Variants in KIF1A observed in about 807,000 individuals in gnomAD.
The protein encoded by KIF1A is kinesin family member 1A.
Under a neutral mutation model 227.3 loss-of-function variants are expected in KIF1A, and 46 were observed. That is an observed-to-expected ratio of 0.20 (90% CI 0.16 to 0.26). The LOEUF is 0.26. Among genes scored for constraint, KIF1A ranks in the 10% least tolerant of loss-of-function variants. The pLI, the probability that KIF1A is intolerant of heterozygous loss-of-function variation, is 1.00. For synonymous variants in KIF1A, 1,022 were observed against 1,012.8 expected (o/e 1.01, Z -0.17); for missense variants, 1,683 against 2,485.9 (o/e 0.68, Z 6.87).
chr2:240,717,242 T>TG lies in KIF1A; in HGVS notation c.*121dup, dbSNP rs1281123911. ...CCCCGGGCCTGGCATGGGCGTCCCC[T>TG]GGGGGGTCGACCCGGTCGTGGGCTG... On this transcript the variant is annotated 3_prime_UTR_variant, in exon 49 of 49. Transcript: ENST00000498729. The TG allele has an allele frequency of 4.2e-6, 4 of 944,232 alleles. No homozygotes were observed. The highest frequency in any genetic ancestry group is 2.5e-5 in the East Asian group (1 of 40,448). 58.5% of individuals were successfully genotyped at this position (944,232 alleles called of 1,614,324 possible).
chr2:240,761,578 C>T (rs1416881257), intron 23 of KIF1A, among the ~76,000 whole-genome samples: 1 of 152,202 alleles, frequency 6.6e-6, no homozygotes, highest in Non-Finnish European at 1.5e-5. Flanking sequence ...GTCACTGAGG[C>T]CAGAGGTGGA....
Position 240,726,801 on chromosome 2 carries a change from G to T in KIF1A, c.4122+25C>A. 1.4e-6 allele frequency: 2 copies of T among 1,434,966 alleles called. No individual in the cohort carries two copies. Among genetic ancestry groups the T allele is most frequent in the Non-Finnish European group, 1.9e-6 (2 of 1,026,258 alleles). The allele number at this position is 1,434,966 out of a possible 1,614,324, so 88.9% of individuals were successfully genotyped here. A position where few individuals can be genotyped will look rare whatever the true frequency, so the allele number is the denominator to read the frequency against. ...CTTCAGGGGCTGAGTGGTTTTGGTG[G>T]AGTGCCCTGGCATAGGTGCCTTGCC... On this transcript the variant is annotated intron_variant, in intron 39 of 48. Coordinates refer to ENST00000498729, the MANE Select transcript of KIF1A (RefSeq NM_001244008.2). This position sits in a 1 kb window ranked among gnomAD's most constrained non-coding sequence, Gnocchi z 5.2.
At chr2:240,807,258 G>A (rs529725212) in intron 1 of KIF1A, among the ~76,000 whole-genome samples, 3 of 151,978 alleles carry the variant, frequency 2.0e-5, no homozygotes, top group African/African-American at 7.2e-5. Flanking sequence ...CGATTCTCCT[G>A]CCTCAGCCTC....
intron 10 of KIF1A, among the ~76,000 whole-genome samples, chr2:240,777,063 G>C (rs2052836954): frequency 6.6e-6 from 1 of 151,684 alleles, no homozygotes; most frequent in Non-Finnish European, 1.5e-5. Context: ...TTTGTTTTTT[G>C]AGACAGAGTC....
intron 11 of KIF1A, 34 bp from the exon 12 acceptor site, chr2:240,774,295 G>A (rs756434073): frequency 4.1e-6 from 6 of 1,449,168 alleles, no homozygotes; most frequent in Middle Eastern, 1.7e-4. Flanking sequence ...GCCCAGAGGG[G>A]GATCTAGGCC....
Position 240,762,702 on chromosome 2 carries a change from G to A in KIF1A, c.2116+17C>T. On this transcript the variant is annotated intron_variant, in intron 23 of 48. Coordinates refer to ENST00000498729, the MANE Select transcript of KIF1A (RefSeq NM_001244008.2). ...GACCCTCCTGACGCAGCAGGTGCTG[G>A]CCCAGTGACCCCTCACCTTCATCCT... 1 of 1,569,470 alleles carries A rather than the reference G, an allele frequency of 6.4e-7. No individual in the cohort carries two copies.
intron 1 of KIF1A, among the ~76,000 whole-genome samples, chr2:240,804,532 G>C (rs568101038): frequency 2.4e-4 from 36 of 152,280 alleles, no homozygotes; most frequent in African/African-American, 8.7e-4. Context: ...CACCTGCTGT[G>C]GGGGGAATGG....
chr2:240,805,123 GGAGGGCGGAGGGAGAGGGGAGT>G (rs2057306888), intron 1 of KIF1A, among the ~76,000 whole-genome samples: 1 of 77,996 alleles, frequency 1.3e-5, no homozygotes. Context: ...GAGAGGGGAG[GGAGGGCGGAGGGAGAGGGGAGT>G]GGGGAGGGAG....
chr2:240,773,020 T>C, intron 13 of KIF1A, 94 bp downstream of exon 13: 1 of 1,355,370 alleles, frequency 7.4e-7, no homozygotes, highest in Non-Finnish European at 1.0e-6. Flanking sequence ...GCCAGCAAAG[T>C]GGTGGCCCCA....
At chr2:240,762,905 G>T in intron 22 of KIF1A, 93 bp from the exon 23 acceptor site, 1 of 1,335,968 alleles carries the variant, frequency 7.5e-7, no homozygotes, top group African/African-American at 1.5e-5. Context: ...ACATCCCACT[G>T]TTTAGATGCA....
At chr2:240,820,503 G>A (rs1409750121), upstream of KIF1A, among the ~76,000 whole-genome samples, 1 of 151,754 alleles carries the variant, frequency 6.6e-6, no homozygotes, top group Non-Finnish European at 1.5e-5. This position sits in a 1 kb window ranked among gnomAD's most constrained non-coding sequence, Gnocchi z 6.2. Context: ...GTGCCCCTGA[G>A]ACCTCGCGGG....
Position 240,725,824 on chromosome 2 carries a change from G to A in KIF1A, c.4123-420C>T, listed in dbSNP as rs780939223. On this transcript the variant is annotated intron_variant, in intron 39 of 48. Coordinates refer to ENST00000498729, the MANE Select transcript of KIF1A (RefSeq NM_001244008.2). The surrounding 1 kb of genome is among the most constrained non-coding windows in gnomAD (Gnocchi z 5.8). Reference sequence around the variant, plus strand: ...CACAGAAAATGACTTCCTGGTGGATGACACGCTAACTGCTGAACAGCTGGC... The same window carrying A: ...CACAGAAAATGACTTCCTGGTGGATAACACGCTAACTGCTGAACAGCTGGC... 6.0e-5 allele frequency: 10 copies of A among 166,260 alleles called. No homozygotes were observed. The highest frequency in any genetic ancestry group is 1.2e-4 in the Non-Finnish European group (9 of 77,336). The allele number at this position is 166,260 out of a possible 1,614,324, so 10.3% of individuals were successfully genotyped here.
intron 38 of KIF1A, among the ~76,000 whole-genome samples, chr2:240,735,623 C>A (rs551614387): frequency 1.3e-5 from 2 of 152,334 alleles, no homozygotes; most frequent in South Asian, 4.1e-4. Flanking sequence ...CCGGGCCCCA[C>A]CCCCTACTCC....
At position 240,772,954 on chromosome 2, in the gene KIF1A, G is replaced by A. The variant is rs570775772; in HGVS notation, c.1180+160C>T. On this transcript the variant is annotated intron_variant, in intron 13 of 48. Coordinates refer to ENST00000498729, the MANE Select transcript of KIF1A (RefSeq NM_001244008.2). ...CCCAGGAACGTGGAGCAGGGACAGG[G>A]ATTTGGCCCAGAGGGGCTCTGGGAG... is the stretch of plus-strand genomic sequence containing the variant. Among the ~76,000 whole-genome samples, 3 of 152,288 alleles carry A rather than the reference G, an allele frequency of 2.0e-5. No individual in the cohort carries two copies. The South Asian group carries it at 6.2e-4, about 32-fold the overall frequency.
In KIF1A at chr2:240,807,116, G is replaced by GTATA. The variant is rs1265497846; in HGVS notation, c.-60-9305_-60-9304insTATA. Reference sequence around the variant, plus strand: ...TGTGTGTGTGTGTGTGTGTGTGTGTGTGTGTGTGTGTGTGTATATATATAT... The same window carrying GTATA: ...TGTGTGTGTGTGTGTGTGTGTGTGTGTATATGTGTGTGTGTGTGTATATATATAT... On this transcript the variant is annotated intron_variant, in intron 1 of 48. Coordinates refer to ENST00000498729, the MANE Select transcript of KIF1A (RefSeq NM_001244008.2). 1.8e-3 allele frequency among the ~76,000 whole-genome samples: 250 copies of GTATA among 139,774 alleles called. 5 individuals are homozygous for GTATA. The Middle Eastern group carries it at 0.021, about 12-fold the overall frequency. The allele number at this position is 139,774 out of a possible 152,430, so 91.7% of individuals were successfully genotyped here. A position where few individuals can be genotyped will look rare whatever the true frequency, so the allele number is the denominator to read the frequency against.
In KIF1A at chr2:240,758,079, T is replaced by A. The variant is rs547901193; in HGVS notation, c.2582+281A>T. Among the ~76,000 whole-genome samples the A allele has an allele frequency of 1.5e-3, 232 of 152,310 alleles. 1 individual carries two copies. Among genetic ancestry groups the A allele is most frequent in the African/African-American group, 5.3e-3 (219 of 41,568 alleles). On this transcript the variant is annotated intron_variant, in intron 26 of 48. Transcript: ENST00000498729. This position sits in a 1 kb window ranked among gnomAD's most constrained non-coding sequence, Gnocchi z 5.2. ...TTTGCTTGGGAGCCTCACATATTCA[T>A]ACACATGGACCCATGGGTTCTGGCG...
At chr2:240,813,615 T>C (rs1203166144) in intron 1 of KIF1A, among the ~76,000 whole-genome samples, 1 of 152,074 alleles carries the variant, frequency 6.6e-6, no homozygotes, top group Non-Finnish European at 1.5e-5. Context: ...GGCAGCTTGG[T>C]AGCCAGCCCC....
rs1367527960 is a variant in KIF1A, at chr2:240,739,725, C to T, written c.3901+333G>A. ...CAGGTTTCAGAGAGAGAGAGCGCGC[C>T]TCTTGCCGGCACCTTGATTTTGGAC... is the stretch of plus-strand genomic sequence containing the variant. On this transcript the variant is annotated intron_variant, in intron 37 of 48. Transcript: ENST00000498729. The surrounding 1 kb of genome is among the most constrained non-coding windows in gnomAD (Gnocchi z 5.6). 6.6e-6 allele frequency among the ~76,000 whole-genome samples: 1 copy of T among 152,136 alleles called. No individual in the cohort carries two copies. The highest frequency in any genetic ancestry group is 1.5e-5 in the Non-Finnish European group (1 of 68,026).
chr2:240,817,484 G>C (rs1486326877), intron 1 of KIF1A, among the ~76,000 whole-genome samples: 1 of 152,192 alleles, frequency 6.6e-6, no homozygotes, highest in Non-Finnish European at 1.5e-5. Flanking sequence ...AGAGACCCAG[G>C]CCCACCACTC....
Sources: gnomAD v4.1 joint callset for allele counts (sites outside exome capture counted in the v4.1 genomes callset) on GRCh38, gnomAD v4.1.1 for gene constraint, Gnocchi (gnomAD v3.1) non-coding constraint, MANE v1.5 for transcripts, NCBI Gene and HGNC (gene_info 2026-07-23, HGNC 2026-07-21) for gene names.